Variants in LIME1 observed in about 807,000 individuals in gnomAD.
LIME1 encodes the protein lck-interacting transmembrane adapter 1.
Under a neutral mutation model 18.8 loss-of-function variants are expected in LIME1, and 23 were observed. The observed-to-expected ratio is 1.22, with a 90% CI of 0.88 to 1.73. The LOEUF is 1.73. LIME1 is among the 40% of genes most tolerant of loss of function. LIME1 has a pLI of 0.00. For synonymous variants in LIME1, 177 were observed against 182.3 expected, an observed-to-expected ratio of 0.97 and a Z score of 0.23; for missense variants, 423 against 396.8, an observed-to-expected ratio of 1.07 and a Z score of -0.56.
chr20:63,736,788 C>CTGAA, intron 1 of LIME1, 76 bp downstream of exon 1: 1 of 985,640 alleles, frequency 1.0e-6, no homozygotes, highest in Non-Finnish European at 1.2e-6. Context: ...GTCAGCCAGG[C>CTGAA]TGAAGCCCAC....
rs1568807361 is a variant in LIME1, at chr20:63,737,805, C to CACCTCT, written c.99-12_99-7dup. The CACCTCT allele has an allele frequency of 6.5e-6, 9 of 1,382,712 alleles. No homozygotes were observed. Among genetic ancestry groups the CACCTCT allele is most frequent in the Middle Eastern group, 2.6e-4 (1 of 3,912 alleles). 85.7% of individuals were successfully genotyped at this position (1,382,712 alleles called of 1,614,324 possible). A position where few individuals can be genotyped will look rare whatever the true frequency, so the allele number is the denominator to read the frequency against. ...GCTGACGACCCCGCCCCCCGCCCCC[C>CACCTCT]ACCTCTACCCCCAAGGCCCGAGGAC... is the stretch of plus-strand genomic sequence containing the variant. On this transcript the variant is annotated splice_polypyrimidine_tract_variant and intron_variant, in intron 2 of 5. Coordinates refer to ENST00000309546, the MANE Select transcript of LIME1 (RefSeq NM_017806.4).
chr20:63,737,393 C>A, intron 1 of LIME1, 140 bp from the exon 2 acceptor site: 1 of 1,353,392 alleles, frequency 7.4e-7, no homozygotes, highest in Non-Finnish European at 9.5e-7. Flanking sequence ...GACTGCCAGG[C>A]CTTGGGGCTT....
In LIME1 at chr20:63,736,667, C is replaced by T; in HGVS notation, c.-63C>T. 1 of 985,784 alleles carries T rather than the reference C, an allele frequency of 1.0e-6. No homozygotes were observed. The highest frequency in any genetic ancestry group is 1.2e-6 in the Non-Finnish European group (1 of 830,216). The allele number at this position is 985,784 out of a possible 1,614,324, so 61.1% of individuals were successfully genotyped here. A position where few individuals can be genotyped will look rare whatever the true frequency, so the allele number is the denominator to read the frequency against. On this transcript the variant is annotated 5_prime_UTR_variant, in exon 1 of 6. Coordinates refer to ENST00000309546, the MANE Select transcript of LIME1 (RefSeq NM_017806.4). Reference sequence around the variant, plus strand: ...CAGCCGAGGGCTGCACAAAGACCTTCCTGGCCTGCCCCAGACAGAGCTGAG... The same window carrying T: ...CAGCCGAGGGCTGCACAAAGACCTTTCTGGCCTGCCCCAGACAGAGCTGAG...
chr20:63,738,143 C>G, intron 4 of LIME1, 40 bp from the exon 5 acceptor site: 8 of 1,535,218 alleles, frequency 5.2e-6, no homozygotes, highest in South Asian at 1.2e-5. Flanking sequence ...CCGCTCCTGC[C>G]CCCTGCCCGG....
intron 1 of LIME1, chr20:63,737,326 C>CCCTA: frequency 7.6e-7 from 1 of 1,321,464 alleles, no homozygotes; most frequent in Non-Finnish European, 9.6e-7. Context: ...GGCAGAGCAG[C>CCCTA]CCTAGTTCAC....
In LIME1 at chr20:63,738,323, G is replaced by C. The variant is rs1443724901; in HGVS notation, c.409G>C (p.Gly137Arg). ...TCTGCCGGCAGCTGCAGCCACCGCA[G>C]GGTGCGCTGGCCTCGAGGCCACCTA... ...RALPAAAATA[G>R]CAGLEATYSN... Residue 137 changes from glycine (G) to arginine (R), a missense_variant, in exon 5 of 6, where the codon GGG (glycine) becomes CGG (arginine). Physicochemically the swap from Gly to Arg is moderately radical, Grantham distance 125 (BLOSUM62 -2). Coordinates refer to ENST00000309546, the MANE Select transcript of LIME1 (RefSeq NM_017806.4). The C allele has an allele frequency of 6.4e-7, 1 of 1,560,768 alleles. No homozygotes were observed. Among genetic ancestry groups the C allele is most frequent in the Non-Finnish European group, 8.6e-7 (1 of 1,156,278 alleles).
Position 63,738,792 on chromosome 20 carries a change from G to A in LIME1, c.780G>A (p.Leu260=), listed in dbSNP as rs1384012130. 1.9e-6 allele frequency: 3 copies of A among 1,612,764 alleles called. No individual in the cohort carries two copies. Among genetic ancestry groups the A allele is most frequent in the Non-Finnish European group, 2.5e-6 (3 of 1,179,918 alleles). Reference sequence around the variant, plus strand: ...ACGTGTATGAGAGCATCCGGGAGCTGGGGGACCCTGCTGGCAGGAGCAGCA... The same window carrying A: ...ACGTGTATGAGAGCATCCGGGAGCTAGGGGACCCTGCTGGCAGGAGCAGCA... ...LENVYESIRE[L]GDPAGRSSTC... Residue 260 remains leucine, a synonymous_variant, in exon 6 of 6, where the codon CTG becomes CTA. Coordinates refer to ENST00000309546, the MANE Select transcript of LIME1 (RefSeq NM_017806.4).
intron 1 of LIME1, chr20:63,737,009 C>G (rs886622272): frequency 2.0e-6 from 2 of 986,168 alleles, no homozygotes; most frequent in Non-Finnish European, 1.2e-6. Flanking sequence ...ATCAGCACCC[C>G]CAGCAGCTGC....
upstream of LIME1, chr20:63,735,902 A>G: frequency 6.2e-7 from 1 of 1,612,636 alleles, no homozygotes; most frequent in Non-Finnish European, 8.5e-7. Context: ...CACCCACAAG[A>G]AGATGACTGA....
chr20:63,737,078 G>A, intron 1 of LIME1: 1 of 988,276 alleles, frequency 1.0e-6, no homozygotes, highest in Non-Finnish European at 1.2e-6. Context: ...CTGCTGACCA[G>A]CCTCCAGCTC....
In LIME1 at chr20:63,738,956, C is replaced by CCGCCT; in HGVS notation, c.*58_*62dup. ...AGTGAGGCCCGTCCCCCGCCCCGCC[C>CCGCCT]CGCCTCACAGCTGACAGCGCCAGTC... On this transcript the variant is annotated 3_prime_UTR_variant, in exon 6 of 6. Coordinates refer to ENST00000309546, the MANE Select transcript of LIME1 (RefSeq NM_017806.4). The CCGCCT allele has an allele frequency of 7.1e-7, 1 of 1,417,258 alleles. No individual in the cohort carries two copies. Among genetic ancestry groups the CCGCCT allele is most frequent in the Admixed American group, 2.6e-5 (1 of 37,780 alleles). The allele number at this position is 1,417,258 out of a possible 1,614,324, so 87.8% of individuals were successfully genotyped here.
In LIME1 at chr20:63,738,724, C is replaced by T. The variant is rs768001181; in HGVS notation, c.712C>T (p.Leu238Phe). 1.2e-5 allele frequency: 19 copies of T among 1,612,922 alleles called. No individual in the cohort carries two copies. The highest frequency in any genetic ancestry group is 1.2e-4 in the Admixed American group (7 of 59,998). ...GGCGGGTGACCTGGCCTACCAGACC[C>T]TCCCGCTCAGGGCCCTGGATGTGGA... ...ALAGDLAYQT[L>F]PLRALDVDSG... Residue 238 changes from leucine (L) to phenylalanine (F), a missense_variant, in exon 6 of 6, where the codon CTC becomes TTC. Physicochemically the swap from Leu to Phe is conservative, Grantham distance 22. Coordinates refer to ENST00000309546, the MANE Select transcript of LIME1 (RefSeq NM_017806.4).
Position 63,738,867 on chromosome 20 carries a change from G to A in LIME1, c.855G>A (p.Arg285=), listed in dbSNP as rs774243819. The change falls in exon 6 of 6, where the codon AGG becomes AGA. Residue 285 remains arginine, a synonymous_variant. Coordinates refer to ENST00000309546, the MANE Select transcript of LIME1 (RefSeq NM_017806.4). ...CTTCCAGCTGCCCCAGCCTAGGGAG[G>A]GGCTGGAGACCCCTCCCTGCCTCCC... The part of the protein sequence containing the change: ...PPASSCPSLG[R]GWRPLPASLP 2 of 1,609,438 alleles carry A rather than the reference G, an allele frequency of 1.2e-6. No individual in the cohort carries two copies. The highest frequency in any genetic ancestry group is 1.7e-6 in the Non-Finnish European group (2 of 1,178,500).
Position 63,738,860 on chromosome 20 carries a change from T to C in LIME1, c.848T>C (p.Leu283Pro). 6.2e-7 allele frequency: 1 copy of C among 1,609,938 alleles called. No homozygotes were observed. The highest frequency in any genetic ancestry group is 8.5e-7 in the Non-Finnish European group (1 of 1,178,712). ...GTPPASSCPS[L>P]GRGWRPLPAS... Reference sequence around the variant, plus strand: ...CCCCCTGCTTCCAGCTGCCCCAGCCTAGGGAGGGGCTGGAGACCCCTCCCT... The same window carrying C: ...CCCCCTGCTTCCAGCTGCCCCAGCCCAGGGAGGGGCTGGAGACCCCTCCCT... Residue 283 changes from leucine (L) to proline (P), a missense_variant, in exon 6 of 6, where the codon CTA becomes CCA. Transcript: ENST00000309546.
chr20:63,738,043 G>C lies in LIME1; in HGVS notation c.251G>C (p.Gly84Ala). The C allele has an allele frequency of 6.5e-7, 1 of 1,550,356 alleles. No homozygotes were observed. The highest frequency in any genetic ancestry group is 1.8e-4 in the Middle Eastern group (1 of 5,584). Reference sequence around the variant, plus strand: ...ACCAGACTGCACGAGCTGCACCGGGGCCCGCGCAGCAGCAGGGGTGAGCAG... The same window carrying C: ...ACCAGACTGCACGAGCTGCACCGGGCCCCGCGCAGCAGCAGGGGTGAGCAG... ...SDTRLHELHRGPRSSRALRPA... is the reference protein window; with the variant it reads ...SDTRLHELHRAPRSSRALRPA... Residue 84 changes from glycine to alanine, a missense_variant, in exon 4 of 6, where the codon GGC (glycine) becomes GCC (alanine). Gly to Ala is a moderately conservative substitution (Grantham distance 60). Transcript: ENST00000309546.
Position 63,737,524 on chromosome 20 carries a change from T to C in LIME1, c.-17-9T>C. The C allele has an allele frequency of 6.7e-7, 1 of 1,491,502 alleles. No homozygotes were observed. The highest frequency in any genetic ancestry group is 8.9e-7 in the Non-Finnish European group (1 of 1,123,238). The allele number at this position is 1,491,502 out of a possible 1,614,324, so 92.4% of individuals were successfully genotyped here. On this transcript the variant is annotated splice_polypyrimidine_tract_variant and intron_variant, in intron 1 of 5. Transcript: ENST00000309546. ...GCCAGCCCCCAGCGCCCCTTTCTTCTGTCCCCAGGGCCTCGGCTTCACAGG... is the reference window on the plus strand; with the variant it reads ...GCCAGCCCCCAGCGCCCCTTTCTTCCGTCCCCAGGGCCTCGGCTTCACAGG...
rs1442440285 is a variant in LIME1 at position 63,737,590 on chromosome 20, T to C, written c.41T>C (p.Val14Ala). ...TCCTGGGCCCCTCCTGCCCTCTGGG[T>C]TCTAGGGTGCTGCGCCCTGCTCCTC... ...PVSWAPPALW[V>A]LGCCALLLSL... The change falls in exon 2 of 6, where the codon GTT becomes GCT. Residue 14 changes from valine to alanine, a missense_variant. Coordinates refer to ENST00000309546, the MANE Select transcript of LIME1 (RefSeq NM_017806.4). 1 of 1,604,218 alleles carries C rather than the reference T, an allele frequency of 6.2e-7. No individual in the cohort carries two copies. Among genetic ancestry groups the C allele is most frequent in the East Asian group, 2.3e-5 (1 of 44,130 alleles).
Position 63,738,869 on chromosome 20 carries a change from G to C in LIME1, c.857G>C (p.Gly286Ala). 1 of 1,609,064 alleles carries C rather than the reference G, an allele frequency of 6.2e-7. No homozygotes were observed. Among genetic ancestry groups the C allele is most frequent in the African/African-American group, 1.3e-5 (1 of 74,934 alleles). The change falls in exon 6 of 6, where the codon GGC (glycine) becomes GCC (alanine). Residue 286 changes from glycine to alanine, a missense_variant. Physicochemically the swap from Gly to Ala is moderately conservative, Grantham distance 60 (BLOSUM62 0). Coordinates refer to ENST00000309546, the MANE Select transcript of LIME1 (RefSeq NM_017806.4). ...PASSCPSLGR[G>A]WRPLPASLP is the part of the protein sequence containing the mutation. ...TCCAGCTGCCCCAGCCTAGGGAGGG[G>C]CTGGAGACCCCTCCCTGCCTCCCTG... is the stretch of plus-strand genomic sequence containing the variant.
chr20:63,735,923 C>A (rs2091985940), upstream of LIME1: 3 of 1,610,374 alleles, frequency 1.9e-6, no homozygotes, highest in African/African-American at 2.7e-5. Context: ...GTTCTAGAGA[C>A]CCCACAAGCA....
Sources: allele counts gnomAD v4.1 joint callset, GRCh38; gene constraint gnomAD v4.1.1; transcripts MANE v1.5; gene names NCBI Gene and HGNC (gene_info 2026-07-23, HGNC 2026-07-21).